The following NTRK3 variants were observed in gnomAD, a reference collection of about 807,000 sequenced individuals.
The protein encoded by NTRK3 is NT-3 growth factor receptor.
In NTRK3, 24 loss-of-function variants were observed where a neutral mutation model predicts 91.7. That is an observed-to-expected ratio of 0.26 (90% CI 0.19 to 0.37). The LOEUF (loss-of-function observed/expected upper bound fraction) is 0.37, where lower values mean the gene tolerates loss of function less well. NTRK3 is among the 10% of genes least tolerant of loss of function. The probability of loss-of-function intolerance (pLI) is 1.00; values close to 1 mark genes in which losing one functional copy is unlikely to be tolerated. For synonymous variants in NTRK3, 483 were observed against 404.0 expected (o/e 1.20, Z -2.34); for missense variants, 880 against 1,068.9 (o/e 0.82, Z 2.46).
chr15:88,188,190 G>A (rs1284392388), intron 3 of NTRK3, among the ~76,000 whole-genome samples: 2 of 152,174 alleles, frequency 1.3e-5, no homozygotes, highest in Non-Finnish European at 2.9e-5. Context: ...CTCAATCTGG[G>A]TGTCCTGGTT....
At chr15:87,971,079 T>C (rs1337412481) in intron 14 of NTRK3, among the ~76,000 whole-genome samples, 1 of 152,200 alleles carries the variant, frequency 6.6e-6, no homozygotes, top group African/African-American at 2.4e-5. Flanking sequence ...AAATGCCAAA[T>C]TGACAGCCAT....
intron 3 of NTRK3, among the ~76,000 whole-genome samples, chr15:88,254,561 C>T (rs975796687): frequency 6.6e-6 from 1 of 152,162 alleles, no homozygotes. Flanking sequence ...CTCCATTAAG[C>T]CGAGAGGGCT....
At chr15:87,903,392 C>A (rs2141669086) in intron 17 of NTRK3, among the ~76,000 whole-genome samples, 1 of 152,300 alleles carries the variant, frequency 6.6e-6, no homozygotes, top group South Asian at 2.1e-4. Context: ...ATGGCACAAC[C>A]AGAAAGATTC....
intron 17 of NTRK3, among the ~76,000 whole-genome samples, chr15:87,919,408 C>A (rs1344717540): frequency 6.6e-6 from 1 of 152,202 alleles, no homozygotes; most frequent in African/African-American, 2.4e-5. Flanking sequence ...ACCTCAACCT[C>A]CTGGTCATCA....
chr15:87,893,890 T>A (rs987463722), intron 17 of NTRK3, among the ~76,000 whole-genome samples: 1 of 152,172 alleles, frequency 6.6e-6, no homozygotes, highest in Non-Finnish European at 1.5e-5. Context: ...TATTCCCTAA[T>A]CTGCATGGGC....
At chr15:88,134,167 A>T (rs2041652960) in intron 10 of NTRK3, among the ~76,000 whole-genome samples, 1 of 152,226 alleles carries the variant, frequency 6.6e-6, no homozygotes, top group Non-Finnish European at 1.5e-5. Context: ...GGGATTGAAG[A>T]CCAAAGGTCT....
intron 5 of NTRK3, among the ~76,000 whole-genome samples, chr15:88,181,230 A>G (rs1189436823): frequency 1.3e-5 from 2 of 152,092 alleles, no homozygotes; most frequent in Non-Finnish European, 2.9e-5. Flanking sequence ...GGCAGGTTCA[A>G]TGGTATCCTT....
At chr15:88,136,357 T>C (rs1399503736) in intron 8 of NTRK3, 110 bp downstream of exon 8, 2 of 1,363,904 alleles carry the variant, frequency 1.5e-6, no homozygotes, top group Admixed American at 3.5e-5. Context: ...GTAACCCAAG[T>C]CTATGTGTTT....
intron 14 of NTRK3, among the ~76,000 whole-genome samples, chr15:88,022,441 T>C (rs2077668872): frequency 6.6e-6 from 1 of 152,134 alleles, no homozygotes; most frequent in Admixed American, 6.5e-5. Context: ...AAAACTCCAA[T>C]ACAGACTGGA....
chr15:88,182,620 AT>A (rs1161990709), intron 5 of NTRK3, among the ~76,000 whole-genome samples: 3 of 152,148 alleles, frequency 2.0e-5, no homozygotes, highest in Admixed American at 2.0e-4. Flanking sequence ...GATGGCCACT[AT>A]CCTTGGAGTT....
intron 13 of NTRK3, among the ~76,000 whole-genome samples, chr15:88,117,236 G>C (rs2052196575): frequency 1.3e-5 from 2 of 152,204 alleles, no homozygotes; most frequent in African/African-American, 4.8e-5. Context: ...ACATGACCTT[G>C]AGTGATTTAA....
Position 88,138,471 on chromosome 15 carries a change from A to G in NTRK3, c.465-910T>C, listed in dbSNP as rs80204607. On this transcript the variant is annotated intron_variant, in intron 6 of 18. Coordinates refer to ENST00000394480, the Ensembl canonical transcript of NTRK3. ...ATGCTCCTCTTCTTAAAACCCTCCA[A>G]TGGCCTTCCATCTCATTGAAAATCA... Among the ~76,000 whole-genome samples, 504 of 152,270 alleles carry G rather than the reference A, an allele frequency of 3.3e-3. 2 individuals are homozygous for G. The highest frequency in any genetic ancestry group is 0.011 in the African/African-American group (474 of 41,568).
intron 17 of NTRK3, among the ~76,000 whole-genome samples, chr15:87,881,667 C>T (rs1335848163): frequency 6.6e-6 from 1 of 152,072 alleles, no homozygotes; most frequent in Admixed American, 6.5e-5. Context: ...GATCCGCCTG[C>T]CTCGGCCTCC....
At chr15:88,078,257 A>T (rs2047731278) in intron 13 of NTRK3, among the ~76,000 whole-genome samples, 1 of 152,158 alleles carries the variant, frequency 6.6e-6, no homozygotes, top group South Asian at 2.1e-4. Context: ...AGCAATACAG[A>T]AAGTCCCTGC....
chr15:88,204,385 C>G (rs1262260873), intron 3 of NTRK3, among the ~76,000 whole-genome samples: 1 of 89,580 alleles, frequency 1.1e-5, no homozygotes, highest in Non-Finnish European at 2.3e-5. Context: ...ATTCAACAAG[C>G]CACTGTCTAT....
intron 5 of NTRK3, among the ~76,000 whole-genome samples, chr15:88,152,621 C>T (rs2043491415): frequency 1.3e-5 from 2 of 152,230 alleles, no homozygotes; most frequent in Admixed American, 1.3e-4. Context: ...GTTTAACCCA[C>T]CCAGACTGTG....
At chr15:87,934,322 A>G (rs1363721254) in intron 15 of NTRK3, among the ~76,000 whole-genome samples, 3 of 152,214 alleles carry the variant, frequency 2.0e-5, no homozygotes, top group Non-Finnish European at 4.4e-5. Context: ...TAGACACAAC[A>G]CAAGGTAATG....
chr15:88,032,289 T>G (rs1429492445), intron 14 of NTRK3, among the ~76,000 whole-genome samples: 1 of 151,976 alleles, frequency 6.6e-6, no homozygotes, highest in African/African-American at 2.4e-5. Flanking sequence ...GGGAAACAGG[T>G]GCCCTGAGCC....
intron 13 of NTRK3, among the ~76,000 whole-genome samples, chr15:88,105,992 A>C (rs1226610998): frequency 1.3e-5 from 2 of 152,266 alleles, no homozygotes; most frequent in Non-Finnish European, 2.9e-5. Context: ...GTTCACCCGT[A>C]GTCACTGCTT....
Sources: allele counts gnomAD v4.1 joint callset (sites outside exome capture counted in the v4.1 genomes callset), GRCh38; gene constraint gnomAD v4.1.1; transcripts MANE v1.5; gene names NCBI Gene and HGNC (gene_info 2026-07-23, HGNC 2026-07-21).